TNRC6A: variants seen among roughly 807,000 people sequenced by gnomAD.
The protein encoded by TNRC6A is trinucleotide repeat containing adaptor 6A, also known as trinucleotide repeat-containing gene 6A protein.
A neutral mutation model predicts 221.2 loss-of-function variants in TNRC6A; 44 were observed. That is an observed-to-expected ratio of 0.20 (90% confidence interval 0.16 to 0.26). The LOEUF (loss-of-function observed/expected upper bound fraction) is 0.26, where lower values mean the gene tolerates loss of function less well. Ranked by LOEUF, TNRC6A falls within the 10% of genes least tolerant of loss-of-function variation. The pLI is 1.00. For synonymous variants in TNRC6A, 847 were observed against 838.5 expected, an observed-to-expected ratio of 1.01 and a Z score of -0.18; for missense variants, 2,199 against 2,404.4, an observed-to-expected ratio of 0.91 and a Z score of 1.79.
intron 2 of TNRC6A, among the ~76,000 whole-genome samples, chr16:24,681,327 A>G (rs2055529817): frequency 6.6e-6 from 1 of 152,022 alleles, no homozygotes; most frequent in South Asian, 2.1e-4. Context: ...TCCTGGATTC[A>G]AGTGATTCTC....
At chr16:24,822,282 T>C in intron 23 of TNRC6A, 135 bp downstream of exon 23, 1 of 806,440 alleles carries the variant, frequency 1.2e-6, no homozygotes, top group South Asian at 1.7e-5. Context: ...GAGTGGTCTG[T>C]AGACCTCAGG....
intron 5 of TNRC6A, chr16:24,778,494 G>C: frequency 1.0e-6 from 1 of 985,272 alleles, no homozygotes. Context: ...TAGGCACATT[G>C]TTATTGGAAA....
At chr16:24,611,378 G>T (rs1900049555) in intron 1 of TNRC6A, among the ~76,000 whole-genome samples, 1 of 152,188 alleles carries the variant, frequency 6.6e-6, no homozygotes. Flanking sequence ...AAAGGAGATG[G>T]ATACATTGCT....
At chr16:24,638,564 G>A (rs1047869153) in intron 1 of TNRC6A, among the ~76,000 whole-genome samples, 1 of 151,940 alleles carries the variant, frequency 6.6e-6, no homozygotes, top group Non-Finnish European at 1.5e-5. Context: ...AATACAAAAA[G>A]TAGCTGGGTG....
chr16:24,630,775 A>G (rs1901291665), intron 1 of TNRC6A, among the ~76,000 whole-genome samples: 1 of 152,200 alleles, frequency 6.6e-6, no homozygotes, highest in African/African-American at 2.4e-5. Context: ...ATGGCTAGTC[A>G]GAAGTTGTCC....
At chr16:24,661,068 G>A (rs1250557918) in intron 2 of TNRC6A, among the ~76,000 whole-genome samples, 1 of 151,738 alleles carries the variant, frequency 6.6e-6, no homozygotes, top group Non-Finnish European at 1.5e-5. Context: ...ACCTTTATCT[G>A]GTATGTCTTT....
chr16:24,752,368 A>G (rs2057156769), intron 3 of TNRC6A, among the ~76,000 whole-genome samples: 1 of 152,210 alleles, frequency 6.6e-6, no homozygotes, highest in African/African-American at 2.4e-5. Flanking sequence ...TCCTGAGCCT[A>G]GGGGTGTCAT....
upstream of TNRC6A, among the ~76,000 whole-genome samples, chr16:24,726,655 G>A (rs183339410): frequency 6.6e-6 from 1 of 152,304 alleles, no homozygotes; most frequent in Admixed American, 6.5e-5. Flanking sequence ...AGTTTCCCAA[G>A]AAAGCATTGT....
chr16:24,701,525 C>T (rs1230279702), intron 2 of TNRC6A, among the ~76,000 whole-genome samples: 1 of 152,050 alleles, frequency 6.6e-6, no homozygotes, highest in Non-Finnish European at 1.5e-5. Flanking sequence ...TGCCACCATG[C>T]CTGGCTAATT....
chr16:24,741,194 AG>A (rs2151293665), intron 2 of TNRC6A, among the ~76,000 whole-genome samples: 1 of 152,334 alleles, frequency 6.6e-6, no homozygotes, highest in South Asian at 2.1e-4. Flanking sequence ...AGTGTCGAAT[AG>A]GAAGTGGCAA....
At chr16:24,760,932 A>C (rs1176834340) in intron 4 of TNRC6A, among the ~76,000 whole-genome samples, 1 of 152,204 alleles carries the variant, frequency 6.6e-6, no homozygotes, top group African/African-American at 2.4e-5. Context: ...TCCGATGCGA[A>C]ATGCTGCCTT....
chr16:24,724,657 T>C (rs2056463883), upstream of TNRC6A, among the ~76,000 whole-genome samples: 1 of 151,980 alleles, frequency 6.6e-6, no homozygotes, highest in Admixed American at 6.6e-5. Context: ...GGTGGGAGGA[T>C]CACTTGAGCC....
chr16:24,744,286 C>T (rs747822073), intron 2 of TNRC6A, among the ~76,000 whole-genome samples: 4 of 152,118 alleles, frequency 2.6e-5, no homozygotes, highest in Admixed American at 6.5e-5. Context: ...TGGTCTCTGT[C>T]GGGTTTCATC....
chr16:24,792,954 A>G (rs1353313637), intron 6 of TNRC6A, among the ~76,000 whole-genome samples: 1 of 151,952 alleles, frequency 6.6e-6, no homozygotes, highest in Non-Finnish European at 1.5e-5. Context: ...ACGCCCAGCT[A>G]ATCTTTGTAT....
chr16:24,794,841 A>C, intron 8 of TNRC6A, 122 bp downstream of exon 8: 1 of 825,566 alleles, frequency 1.2e-6, no homozygotes, highest in Non-Finnish European at 1.8e-6. Context: ...CCCCCACCTT[A>C]GGTATAGCCA....
intron 2 of TNRC6A, among the ~76,000 whole-genome samples, chr16:24,739,181 A>G (rs1332183295): frequency 6.6e-6 from 1 of 152,224 alleles, no homozygotes; most frequent in Non-Finnish European, 1.5e-5. Flanking sequence ...TTCCATTGCC[A>G]GCATTTGTTA....
intron 2 of TNRC6A, among the ~76,000 whole-genome samples, chr16:24,706,691 C>CAAA (rs372757286): frequency 1.1e-4 from 9 of 85,440 alleles, no homozygotes; most frequent in East Asian, 3.4e-4. Flanking sequence ...GACTCTGTCT[C>CAAA]AAAAAAAAAA....
intron 1 of TNRC6A, among the ~76,000 whole-genome samples, chr16:24,615,276 G>A (rs186111013): frequency 2.0e-5 from 3 of 152,218 alleles, no homozygotes; most frequent in Admixed American, 2.0e-4. Flanking sequence ...GAGGAGAAGA[G>A]TATTTTGTTG....
chr16:24,725,516 C>A (rs552180991), upstream of TNRC6A, among the ~76,000 whole-genome samples: 21 of 151,994 alleles, frequency 1.4e-4, no homozygotes, highest in Non-Finnish European at 2.5e-4. Context: ...AACCCTCCAG[C>A]CTGAGACCCC....
Sources: gnomAD v4.1 joint callset for allele counts (sites outside exome capture counted in the v4.1 genomes callset) on GRCh38, gnomAD v4.1.1 for gene constraint, MANE v1.5 for transcripts, NCBI Gene and HGNC (gene_info 2026-07-23, HGNC 2026-07-21) for gene names.